The following XCR1 variants were observed in gnomAD, a reference collection of about 807,000 sequenced individuals.
XCR1 encodes chemokine XC receptor 1.
For synonymous variants in XCR1, 187 were observed against 188.5 expected, an observed-to-expected ratio of 0.99 and a Z score of 0.06; for missense variants, 356 against 424.2, an observed-to-expected ratio of 0.84 and a Z score of 1.41.
At chr3:46,052,509 C>T (rs574997154) in intron 5 of XCR1, among the ~76,000 whole-genome samples, 1 of 152,314 alleles carries the variant, frequency 6.6e-6, no homozygotes, top group South Asian at 2.1e-4. Flanking sequence ...CCTTTCTGTC[C>T]TGAGATCTGG....
Position 46,019,800 on chromosome 3 carries a change from G to A in XCR1, c.*1146C>T, listed in dbSNP as rs1036238382. The A allele has an allele frequency of 6.6e-6, 1 of 152,314 alleles. No homozygotes were observed. Among genetic ancestry groups the A allele is most frequent in the Non-Finnish European group, 1.5e-5 (1 of 68,098 alleles). 9.4% of individuals were successfully genotyped at this position (152,314 alleles called of 1,614,324 possible). On this transcript the variant is annotated 3_prime_UTR_variant, in exon 2 of 2. Transcript: ENST00000309285. ...CACTAAGGGTTTTGAAGCACCTGGT[G>A]TAAGGGCAGAGAACAGCCTGGTGGG...
intron 1 of XCR1, among the ~76,000 whole-genome samples, chr3:46,081,503 TC>T (rs1386696192): frequency 4.6e-5 from 7 of 152,206 alleles, no homozygotes; most frequent in Non-Finnish European, 1.0e-4. Flanking sequence ...AAGAGTTCCT[TC>T]TGCAGAGAGC....
upstream of XCR1, among the ~76,000 whole-genome samples, chr3:46,028,657 T>A (rs997737009): frequency 9.2e-5 from 14 of 151,792 alleles, no homozygotes; most frequent in African/African-American, 3.1e-4. Context: ...AGTGGCATGA[T>A]CAGCTCACTA....
chr3:46,041,078 C>T (rs559444427), intron 5 of XCR1, among the ~76,000 whole-genome samples: 7 of 152,034 alleles, frequency 4.6e-5, no homozygotes, highest in Admixed American at 2.0e-4. Flanking sequence ...TATTGAGCAG[C>T]GTATAGTTTT....
intron 5 of XCR1, among the ~76,000 whole-genome samples, chr3:46,049,041 G>A (rs1275456733): frequency 6.6e-6 from 1 of 152,188 alleles, no homozygotes; most frequent in Admixed American, 6.5e-5. Flanking sequence ...ATCCCCATAT[G>A]AGCAAATGGT....
chr3:46,031,092 C>T (rs1708386064), upstream of XCR1, among the ~76,000 whole-genome samples: 1 of 151,310 alleles, frequency 6.6e-6, no homozygotes, highest in South Asian at 2.1e-4. Context: ...CAAATGGGAG[C>T]CCTGCCCCTT....
intron 1 of XCR1, chr3:46,024,281 C>T: frequency 3.3e-6 from 1 of 305,770 alleles, no homozygotes. Flanking sequence ...GGAAATGTTT[C>T]ATCATCTGGT....
chr3:46,049,548 G>A (rs1247900536), intron 5 of XCR1, among the ~76,000 whole-genome samples: 1 of 152,184 alleles, frequency 6.6e-6, no homozygotes, highest in Non-Finnish European at 1.5e-5. Context: ...CAGTTTCTAT[G>A]TGACTGGCTA....
intron 4 of XCR1, among the ~76,000 whole-genome samples, chr3:46,058,717 C>T (rs1697900791): frequency 6.6e-6 from 1 of 152,082 alleles, no homozygotes; most frequent in Admixed American, 6.5e-5. Context: ...ACGGGTGCCA[C>T]CATGCCCAGC....
At chr3:46,056,510 G>A (rs1697853487) in intron 4 of XCR1, among the ~76,000 whole-genome samples, 1 of 152,002 alleles carries the variant, frequency 6.6e-6, no homozygotes, top group Admixed American at 6.6e-5. Flanking sequence ...GTCTCACACT[G>A]TTGCCCAGGC....
intron 5 of XCR1, among the ~76,000 whole-genome samples, chr3:46,044,031 T>C (rs1162369006): frequency 6.6e-6 from 1 of 152,188 alleles, no homozygotes; most frequent in Non-Finnish European, 1.5e-5. Flanking sequence ...AGTCTTGCTC[T>C]GTCACCCAGG....
Position 46,020,997 on chromosome 3 carries a change from C to T in XCR1, c.951G>A (p.Ser317=), listed in dbSNP as rs1356596545. The change falls in exon 2 of 2, where the codon TCG becomes TCA. Residue 317 remains serine, a synonymous_variant. Transcript: ENST00000309285. ...FCRLQAPSPA[S]IPHSPGAFAY... is the part of the protein sequence containing the mutation. ...CGAAGGCACCAGGGGAGTGGGGGATCGAGGCTGGGCTGGGTGCCTGCAGCC... is the reference window on the plus strand; with the variant it reads ...CGAAGGCACCAGGGGAGTGGGGGATTGAGGCTGGGCTGGGTGCCTGCAGCC... The T allele has an allele frequency of 9.9e-6, 16 of 1,612,576 alleles. No homozygotes were observed. The highest frequency in any genetic ancestry group is 1.4e-5 in the Non-Finnish European group (16 of 1,179,236).
chr3:46,037,451 G>C (rs1028407784), intron 5 of XCR1, among the ~76,000 whole-genome samples: 1 of 151,996 alleles, frequency 6.6e-6, no homozygotes, highest in African/African-American at 2.4e-5. Context: ...TATTGTATGA[G>C]AAAGATCTTG....
chr3:46,080,864 T>C (rs927060020), intron 1 of XCR1, among the ~76,000 whole-genome samples: 4 of 152,226 alleles, frequency 2.6e-5, no homozygotes, highest in Non-Finnish European at 5.9e-5. Context: ...TTCTTGCTGA[T>C]GGTTTGTCCC....
intron 5 of XCR1, among the ~76,000 whole-genome samples, chr3:46,050,402 C>T (rs186202842): frequency 2.6e-4 from 40 of 152,236 alleles, no homozygotes; most frequent in East Asian, 5.8e-4. Context: ...TTTCTGAAGC[C>T]GTACACTCCT....
intron 5 of XCR1, among the ~76,000 whole-genome samples, chr3:46,042,447 T>G (rs540914202): frequency 6.6e-6 from 1 of 152,100 alleles, no homozygotes; most frequent in Non-Finnish European, 1.5e-5. Flanking sequence ...TAGAGATATA[T>G]AGAGAGAGAA....
chr3:46,043,717 TACACACACACACACACACACACAC>T (rs144432920), intron 5 of XCR1, among the ~76,000 whole-genome samples: 12 of 141,576 alleles, frequency 8.5e-5, no homozygotes, highest in African/African-American at 2.6e-4. Context: ...ACCTCATCTC[TACACACACACACACACACACACAC>T]ACACACACAC....
intron 2 of XCR1, among the ~76,000 whole-genome samples, chr3:46,075,198 C>A (rs923838162): frequency 2.0e-5 from 3 of 151,122 alleles, no homozygotes; most frequent in African/African-American, 4.9e-5. Flanking sequence ...CCAGAAGTAG[C>A]CCCACACAAG....
upstream of XCR1, among the ~76,000 whole-genome samples, chr3:46,032,296 A>G (rs1383584492): frequency 6.6e-6 from 1 of 152,148 alleles, no homozygotes; most frequent in Non-Finnish European, 1.5e-5. Flanking sequence ...AGCATCTCTA[A>G]GTCTCCGTGT....
Sources: gnomAD v4.1 joint callset for allele counts (sites outside exome capture counted in the v4.1 genomes callset) on GRCh38, gnomAD v4.1.1 for gene constraint, MANE v1.5 for transcripts, NCBI Gene and HGNC (gene_info 2026-07-23, HGNC 2026-07-21) for gene names.